Variants in WARS1 observed in about 807,000 individuals in gnomAD.
The protein encoded by WARS1 is tryptophan--tRNA ligase, cytoplasmic.
In WARS1, 17 loss-of-function variants were observed where a neutral mutation model predicts 47.8. The ratio of observed to expected loss-of-function variants is 0.36; its 90% confidence interval spans 0.24 to 0.53. The LOEUF is 0.53. WARS1 is among the 20% of genes least tolerant of loss of function. The pLI is 0.91. For synonymous variants in WARS1, 208 were observed against 228.1 expected (o/e 0.91, Z 0.79); for missense variants, 434 against 608.0 (o/e 0.71, Z 3.01).
chr14:100,359,677 T>G (rs1895540056), intron 4 of WARS1, among the ~76,000 whole-genome samples: 1 of 152,218 alleles, frequency 6.6e-6, no homozygotes, highest in African/African-American at 2.4e-5. Flanking sequence ...GGTAGAAGTT[T>G]CCTTTTGGGG....
intron 6 of WARS1, among the ~76,000 whole-genome samples, chr14:100,351,733 C>T (rs1894993573): frequency 6.6e-6 from 1 of 152,086 alleles, no homozygotes; most frequent in African/African-American, 2.4e-5. Context: ...GTGGCTCATG[C>T]CTGTAATCCC....
Position 100,334,941 on chromosome 14 carries a change from C to T in WARS1, c.1350G>A (p.Lys450=). ...CTTTCACTATCTCATCCGTGACCTC[C>T]TTGCGCCGGGCCTGGTGCTCTGCGA... The part of the protein sequence containing the change: ...PLIAEHQARR[K]EVTDEIVKEF... Residue 450 remains lysine (K), a synonymous_variant, in exon 11 of 11, where the codon AAG becomes AAA. Coordinates refer to ENST00000392882, the MANE Select transcript of WARS1 (RefSeq NM_004184.4). The T allele has an allele frequency of 6.2e-7, 1 of 1,614,254 alleles. No homozygotes were observed. Among genetic ancestry groups the T allele is most frequent in the Non-Finnish European group, 8.5e-7 (1 of 1,180,046 alleles).
chr14:100,370,520 T>C (rs1335733294), intron 1 of WARS1: 1 of 152,244 alleles, frequency 6.6e-6, no homozygotes, highest in Non-Finnish European at 1.5e-5. Flanking sequence ...TTTAACTTGC[T>C]GTAAAACCTT....
chr14:100,353,642 T>A (rs768225125), intron 6 of WARS1, 45 bp downstream of exon 6: 2 of 1,592,288 alleles, frequency 1.3e-6, no homozygotes, highest in Non-Finnish European at 1.7e-6. Context: ...CAACTTGACA[T>A]CCTCCTCTAC....
intron 2 of WARS1, among the ~76,000 whole-genome samples, chr14:100,365,270 TAACAGGAGTTAAAAGTGTCG>T (rs71464658): frequency 0.35 from 53,489 of 151,800 alleles, 11,763 homozygotes; most frequent in South Asian, 0.66. Context: ...AGATAACAGA[TAACAGGAGTTAAAAGTGTCG>T]GAAGTCGGGC....
intron 2 of WARS1, among the ~76,000 whole-genome samples, chr14:100,362,825 C>T (rs1354389222): frequency 2.0e-5 from 3 of 152,188 alleles, no homozygotes; most frequent in Non-Finnish European, 2.9e-5. Flanking sequence ...CCTTAAATTC[C>T]TTTTACCATA....
chr14:100,337,104 G>T lies in WARS1; in HGVS notation c.1212C>A (p.Thr404=). The part of the protein sequence containing the change: ...CDVDVSFMYL[T]FFLEDDDKLE... ...GCTTGTCGTCGTCCTCGAGGAAGAA[G>T]GTCAGGTACATGAAAGACACGTCCA... The change falls in exon 10 of 11, where the codon ACC becomes ACA. Residue 404 remains threonine (T), a synonymous_variant. Transcript: ENST00000392882. 1 of 1,614,146 alleles carries T rather than the reference G, an allele frequency of 6.2e-7. No homozygotes were observed. The highest frequency in any genetic ancestry group is 8.5e-7 in the Non-Finnish European group (1 of 1,180,016).
intron 7 of WARS1, among the ~76,000 whole-genome samples, chr14:100,345,080 C>T (rs1318704683): frequency 2.2e-4 from 33 of 150,284 alleles, no homozygotes; most frequent in African/African-American, 7.6e-4. Context: ...GCCAGCCGCC[C>T]CGTCCGGGAG....
intron 7 of WARS1, among the ~76,000 whole-genome samples, chr14:100,344,891 AC>A (rs1283903304): frequency 6.8e-6 from 1 of 146,710 alleles, no homozygotes; most frequent in East Asian, 2.1e-4. Flanking sequence ...CCCGGCAGCC[AC>A]CCCGTCTGGG....
At chr14:100,368,464 A>G in intron 2 of WARS1, 3 of 456,074 alleles carry the variant, frequency 6.6e-6, no homozygotes, top group Non-Finnish European at 8.8e-6. Context: ...GAAAGACCCC[A>G]ACTTGAAAAT....
Position 100,334,254 on chromosome 14 carries a change from A to C in WARS1, c.*621T>G, listed in dbSNP as rs917962412. ...AGTAAACTGGAAAGTTTCACCCCCAAGTCTTAATTTAATCAAAATTGCTGA... is the reference window on the plus strand; with the variant it reads ...AGTAAACTGGAAAGTTTCACCCCCACGTCTTAATTTAATCAAAATTGCTGA... On this transcript the variant is annotated 3_prime_UTR_variant, in exon 11 of 11. Coordinates refer to ENST00000392882, the MANE Select transcript of WARS1 (RefSeq NM_004184.4). The C allele has an allele frequency of 6.6e-6, 1 of 152,638 alleles. No individual in the cohort carries two copies. Among genetic ancestry groups the C allele is most frequent in the Non-Finnish European group, 1.5e-5 (1 of 68,044 alleles). The allele number at this position is 152,638 out of a possible 1,614,324, so 9.5% of individuals were successfully genotyped here.
At chr14:100,345,722 G>A (rs569604987) in intron 7 of WARS1, among the ~76,000 whole-genome samples, 2 of 152,112 alleles carry the variant, frequency 1.3e-5, no homozygotes, top group Non-Finnish European at 2.9e-5. Context: ...ATATTTAAAA[G>A]TGTTTAGTGT....
Position 100,354,439 on chromosome 14 carries a change from A to G in WARS1, c.542+8T>C, listed in dbSNP as rs1256665341. On this transcript the variant is annotated splice_region_variant and intron_variant, in intron 5 of 10. Transcript: ENST00000392882. Reference sequence around the variant, plus strand: ...AGAGTAAGAAAAGCCATAAGATCCAATACTTACTTTGTGAAAATAAATGGA... The same window carrying G: ...AGAGTAAGAAAAGCCATAAGATCCAGTACTTACTTTGTGAAAATAAATGGA... The G allele has an allele frequency of 1.2e-6, 2 of 1,611,740 alleles. No individual in the cohort carries two copies. Among genetic ancestry groups the G allele is most frequent in the Non-Finnish European group, 1.7e-6 (2 of 1,179,380 alleles).
chr14:100,335,058 C>T (rs536195792), intron 10 of WARS1, 22 bp from the exon 11 acceptor site: 30 of 1,608,896 alleles, frequency 1.9e-5, no homozygotes, highest in East Asian at 4.5e-5. Flanking sequence ...GAGACAGCCA[C>T]GTGAGAGATG....
chr14:100,350,715 G>C (rs2139986383), intron 6 of WARS1, among the ~76,000 whole-genome samples: 1 of 152,312 alleles, frequency 6.6e-6, no homozygotes, highest in African/African-American at 2.4e-5. Context: ...GGCCCAGGAG[G>C]GGATGGGCCA....
At chr14:100,340,289 AGCACT>A (rs1894076112) in intron 9 of WARS1, 1 of 152,434 alleles carries the variant, frequency 6.6e-6, no homozygotes, top group African/African-American at 2.4e-5. Flanking sequence ...GTGGGTATGG[AGCACT>A]GCTGCCAGCA....
chr14:100,371,905 G>A (rs1896374383), intron 1 of WARS1, among the ~76,000 whole-genome samples: 1 of 152,112 alleles, frequency 6.6e-6, no homozygotes, highest in South Asian at 2.1e-4. Context: ...CATATCCCCT[G>A]TGACCGGCAC....
chr14:100,368,245 A>C, intron 2 of WARS1: 2 of 346,766 alleles, frequency 5.8e-6, no homozygotes, highest in Non-Finnish European at 1.1e-5. Context: ...AACAGATATT[A>C]AGACAAATAT....
intron 4 of WARS1, 75 bp from the exon 5 acceptor site, chr14:100,354,641 TG>T: frequency 2.0e-6 from 3 of 1,508,368 alleles, no homozygotes; most frequent in East Asian, 2.3e-5. Flanking sequence ...CTTTTGGAAA[TG>T]GAAAATATAG....
Sources: allele counts gnomAD v4.1 joint callset (sites outside exome capture counted in the v4.1 genomes callset), GRCh38; gene constraint gnomAD v4.1.1; transcripts MANE v1.5; gene names NCBI Gene and HGNC (gene_info 2026-07-23, HGNC 2026-07-21).